The following ICA1 variants were observed in gnomAD, a reference collection of about 807,000 sequenced individuals.
The protein encoded by ICA1 is islet cell autoantigen 1, also known as 69 kDa islet cell autoantigen.
A neutral mutation model predicts 71.0 loss-of-function variants in ICA1; 40 were observed. The observed-to-expected ratio is 0.56, with a 90% CI of 0.44 to 0.73. ICA1 has a LOEUF of 0.73. Among genes scored for constraint, ICA1 ranks in the 30% least tolerant of loss-of-function variants. The pLI is 0.00. For synonymous variants in ICA1, 207 were observed against 209.5 expected (o/e 0.99, Z 0.10); for missense variants, 578 against 576.5 (o/e 1.00, Z -0.03).
intron 10 of ICA1, among the ~76,000 whole-genome samples, chr7:8,141,449 G>A (rs908597954): frequency 2.0e-5 from 3 of 152,240 alleles, no homozygotes; most frequent in Admixed American, 6.5e-5. Flanking sequence ...GGTCACAGCA[G>A]AAATCTTATA....
intron 6 of ICA1, among the ~76,000 whole-genome samples, chr7:8,194,720 G>A (rs540286981): frequency 2.1e-4 from 32 of 152,202 alleles, no homozygotes; most frequent in Admixed American, 1.1e-3. Context: ...TAATGTTAGG[G>A]CGTTTTATAT....
At chr7:8,219,267 A>C (rs1235721412) in intron 5 of ICA1, among the ~76,000 whole-genome samples, 1 of 152,250 alleles carries the variant, frequency 6.6e-6, no homozygotes, top group Non-Finnish European at 1.5e-5. Flanking sequence ...CTCCCTACCC[A>C]AAAATGAGCA....
intron 6 of ICA1, among the ~76,000 whole-genome samples, chr7:8,195,167 A>G (rs1385413419): frequency 2.6e-5 from 4 of 152,212 alleles, no homozygotes. Flanking sequence ...TAAAACAACA[A>G]TGAGATAATA....
At chr7:8,207,530 A>G (rs1454528215) in intron 6 of ICA1, among the ~76,000 whole-genome samples, 2 of 152,212 alleles carry the variant, frequency 1.3e-5, no homozygotes, top group African/African-American at 4.8e-5. Context: ...TGAAAATTTT[A>G]TGTTTGAAAG....
In ICA1 at chr7:8,141,830, A is replaced by G. The variant is rs759639888; in HGVS notation, c.903-13T>C. 6.5e-7 allele frequency: 1 copy of G among 1,545,586 alleles called. No homozygotes were observed. Among genetic ancestry groups the G allele is most frequent in the Admixed American group, 1.8e-5 (1 of 57,110 alleles). On this transcript the variant is annotated splice_polypyrimidine_tract_variant and intron_variant, in intron 9 of 13. Coordinates refer to ENST00000402384, the MANE Select transcript of ICA1 (RefSeq NM_001136020.3). ...TAATGAAATTAATCTTAAAATAAAA[A>G]AGAGGTTTAGTCATCAACTTCTACC...
intron 1 of ICA1, among the ~76,000 whole-genome samples, chr7:8,244,498 G>T (rs1805193448): frequency 6.6e-6 from 1 of 152,168 alleles, no homozygotes; most frequent in Non-Finnish European, 1.5e-5. Flanking sequence ...ATAGGCATGG[G>T]CAAGGACTTC....
At chr7:8,143,555 A>G (rs1795920987) in intron 9 of ICA1, among the ~76,000 whole-genome samples, 1 of 152,176 alleles carries the variant, frequency 6.6e-6, no homozygotes, top group South Asian at 2.1e-4. Context: ...GAAACCAGAG[A>G]AAGTGCAAAG....
intron 1 of ICA1, 27 bp downstream of exon 1, chr7:8,262,067 C>T (rs922979231): frequency 3.3e-5 from 5 of 152,154 alleles, no homozygotes. Context: ...CCGGCGCGCC[C>T]CCGCCCCGAC....
At chr7:8,134,514 C>G (rs1469835805) in intron 12 of ICA1, among the ~76,000 whole-genome samples, 2 of 152,168 alleles carry the variant, frequency 1.3e-5, no homozygotes, top group Admixed American at 6.5e-5. Context: ...GCGTGTGAAA[C>G]AGGAAGACTC....
At chr7:8,161,162 G>A (rs1484457456) in intron 6 of ICA1, among the ~76,000 whole-genome samples, 1 of 152,092 alleles carries the variant, frequency 6.6e-6, no homozygotes, top group African/African-American at 2.4e-5. Context: ...TAGGAACTAG[G>A]GTGTCTATAA....
intron 3 of ICA1, among the ~76,000 whole-genome samples, chr7:8,230,975 G>T (rs1800097041): frequency 6.6e-6 from 1 of 152,192 alleles, no homozygotes; most frequent in South Asian, 2.1e-4. Flanking sequence ...TGATCTCATA[G>T]TGGAGGGAAG....
chr7:8,125,862 G>T (rs1231753212), intron 13 of ICA1, among the ~76,000 whole-genome samples: 1 of 152,190 alleles, frequency 6.6e-6, no homozygotes, highest in African/African-American at 2.4e-5. Context: ...TCCGTAGCAT[G>T]AGCTTGTGTT....
chr7:8,142,228 A>C (rs1216140691), intron 9 of ICA1, among the ~76,000 whole-genome samples: 1 of 152,250 alleles, frequency 6.6e-6, no homozygotes, highest in Non-Finnish European at 1.5e-5. Flanking sequence ...CAGAGGCTGC[A>C]GGCAGGACCA....
intron 8 of ICA1, among the ~76,000 whole-genome samples, chr7:8,147,111 T>C (rs1338150239): frequency 1.3e-5 from 2 of 152,146 alleles, no homozygotes; most frequent in African/African-American, 4.8e-5. Context: ...CCAGGGCATG[T>C]CTGCTCTCAG....
intron 13 of ICA1, among the ~76,000 whole-genome samples, chr7:8,122,161 G>T (rs1346497533): frequency 6.6e-6 from 1 of 152,196 alleles, no homozygotes; most frequent in Non-Finnish European, 1.5e-5. Flanking sequence ...AGACCCCATG[G>T]TGGGGACAGA....
rs1323130359 is a variant in ICA1, at chr7:8,226,830, C to A, written c.256+1771G>T. Among the ~76,000 whole-genome samples the A allele has an allele frequency of 6.6e-6, 1 of 152,114 alleles. No individual in the cohort carries two copies. The highest frequency in any genetic ancestry group is 1.5e-5 in the Non-Finnish European group (1 of 68,024). Reference sequence around the variant, plus strand: ...CTTTATATTACAAGATAATTATGAGCCTTCATGGTGTTCAACTATAATTCT... The same window carrying A: ...CTTTATATTACAAGATAATTATGAGACTTCATGGTGTTCAACTATAATTCT... On this transcript the variant is annotated intron_variant, in intron 4 of 13. Coordinates refer to ENST00000402384, the MANE Select transcript of ICA1 (RefSeq NM_001136020.3). This position sits in a 1 kb window ranked among gnomAD's most constrained non-coding sequence, Gnocchi z 4.4.
chr7:8,117,651 T>C (rs1336481489), intron 13 of ICA1, among the ~76,000 whole-genome samples: 1 of 152,220 alleles, frequency 6.6e-6, no homozygotes, highest in Non-Finnish European at 1.5e-5. Flanking sequence ...TGCATCACTG[T>C]TGGGATCATT....
At chr7:8,210,840 G>A (rs1161475294) in intron 6 of ICA1, among the ~76,000 whole-genome samples, 1 of 152,184 alleles carries the variant, frequency 6.6e-6, no homozygotes, top group African/African-American at 2.4e-5. Context: ...AGCTTCCTGG[G>A]TAGCTGGGAT....
At chr7:8,238,138 TATTCA>T (rs1446789816) in intron 1 of ICA1, among the ~76,000 whole-genome samples, 2 of 152,202 alleles carry the variant, frequency 1.3e-5, no homozygotes, top group African/African-American at 2.4e-5. Context: ...TGAGATCCTG[TATTCA>T]ATTCTTTTGC....
Sources: gnomAD v4.1 joint callset for allele counts (sites outside exome capture counted in the v4.1 genomes callset) on GRCh38, gnomAD v4.1.1 for gene constraint, Gnocchi (gnomAD v3.1) non-coding constraint, MANE v1.5 for transcripts, NCBI Gene and HGNC (gene_info 2026-07-23, HGNC 2026-07-21) for gene names.